The following INTS9 variants were observed in gnomAD, a reference collection of about 807,000 sequenced individuals.
INTS9 encodes the protein protein related to CPSF subunits of 74 kDa.
INTS9 carries 55 observed loss-of-function variants against 79.7 expected under a neutral mutation model. The ratio of observed to expected loss-of-function variants is 0.69; its 90% CI spans 0.56 to 0.86. The LOEUF is 0.86. Among genes scored for constraint, INTS9 ranks in the 40% least tolerant of loss-of-function variants. The pLI is 0.00. For synonymous variants in INTS9, 319 were observed against 325.2 expected, an observed-to-expected ratio of 0.98 and a Z score of 0.20; for missense variants, 721 against 831.5, an observed-to-expected ratio of 0.87 and a Z score of 1.64.
At chr8:28,847,334 G>C (rs1807577343) in intron 3 of INTS9, among the ~76,000 whole-genome samples, 1 of 152,094 alleles carries the variant, frequency 6.6e-6, no homozygotes. Flanking sequence ...CCTACCAAGG[G>C]TTGGGAGGAA....
chr8:28,859,377 TG>T, intron 2 of INTS9, 58 bp downstream of exon 2: 1 of 1,589,920 alleles, frequency 6.3e-7, no homozygotes, highest in Non-Finnish European at 8.6e-7. Context: ...TTCATACTAA[TG>T]GTACCATTTT....
chr8:28,798,779 G>A (rs866908017), intron 8 of INTS9: 4 of 152,150 alleles, frequency 2.6e-5, no homozygotes, highest in African/African-American at 4.8e-5. Context: ...GATTACAGTC[G>A]TGAGCCACCA....
chr8:28,792,362 G>T (rs1803962036), intron 10 of INTS9, among the ~76,000 whole-genome samples: 1 of 151,978 alleles, frequency 6.6e-6, no homozygotes, highest in Non-Finnish European at 1.5e-5. Context: ...CAATAAAACT[G>T]AAAGAAAGTA....
At chr8:28,768,465 TAGTGATAGTTTCTTATACTTGAAAAG>T in intron 16 of INTS9, 143 bp from the exon 17 acceptor site, 1 of 733,670 alleles carries the variant, frequency 1.4e-6, no homozygotes, top group Admixed American at 2.3e-5. Flanking sequence ...AGGCCTATGA[TAGTGATAGTTTCTTATACTTGAAAAG>T]AGACCCTAAA....
At chr8:28,874,166 TTC>T (rs1563313150) in intron 1 of INTS9, among the ~76,000 whole-genome samples, 1 of 152,246 alleles carries the variant, frequency 6.6e-6, no homozygotes, top group East Asian at 1.9e-4. Flanking sequence ...AAGTCATACT[TTC>T]TGATTTCACA....
chr8:28,771,235 C>T, intron 14 of INTS9, 155 bp from the exon 15 acceptor site: 1 of 684,840 alleles, frequency 1.5e-6, no homozygotes, highest in African/African-American at 1.8e-5. Flanking sequence ...GCTCTGTCGC[C>T]CAGGTGACAC....
intron 1 of INTS9, among the ~76,000 whole-genome samples, chr8:28,867,620 C>A (rs1310156132): frequency 1.3e-5 from 2 of 150,206 alleles, no homozygotes; most frequent in Non-Finnish European, 3.0e-5. Context: ...GTATGAAATA[C>A]TGTGAACTTC....
intron 1 of INTS9, among the ~76,000 whole-genome samples, chr8:28,873,843 T>C (rs1809219939): frequency 6.6e-6 from 1 of 152,214 alleles, no homozygotes. Context: ...CCCTTCCCAC[T>C]ATCTCTTCCT....
intron 1 of INTS9, among the ~76,000 whole-genome samples, chr8:28,881,300 T>TG (rs1397188461): frequency 2.9e-5 from 3 of 105,188 alleles, no homozygotes; most frequent in Admixed American, 1.0e-4. Flanking sequence ...GGGAGGGAGG[T>TG]GGGGGGATCA....
intron 2 of INTS9, among the ~76,000 whole-genome samples, chr8:28,856,968 G>A (rs1008461570): frequency 2.0e-5 from 3 of 152,100 alleles, no homozygotes; most frequent in East Asian, 1.9e-4. Context: ...GAGAACATGC[G>A]GTATTTGGTT....
chr8:28,769,091 C>T (rs1011624621), intron 16 of INTS9, among the ~76,000 whole-genome samples: 4 of 152,334 alleles, frequency 2.6e-5, no homozygotes, highest in Admixed American at 2.6e-4. Flanking sequence ...GAGCCGCAAC[C>T]ACCCAGCCAG....
In INTS9 at chr8:28,769,875, C is replaced by G. The variant is rs776253607; in HGVS notation, c.1800+14G>C. The G allele has an allele frequency of 3.7e-6, 6 of 1,612,896 alleles. No individual in the cohort carries two copies. In the African/African-American group the frequency reaches 6.7e-5, roughly 18 times the overall value. ...ACGTGTGGAGTTTTCACGGCACCAG[C>G]GAAACCAGCTCACCTTCTCCAGGGT... is the stretch of plus-strand genomic sequence containing the variant. On this transcript the variant is annotated intron_variant, in intron 16 of 16. Transcript: ENST00000521022.
chr8:28,771,304 T>G (rs1802525206), intron 14 of INTS9: 1 of 554,130 alleles, frequency 1.8e-6, no homozygotes, highest in East Asian at 3.4e-5. Flanking sequence ...CCTCTCCAGG[T>G]GACCAGTGGC....
At chr8:28,875,651 C>T (rs531470115) in intron 1 of INTS9, among the ~76,000 whole-genome samples, 1 of 152,154 alleles carries the variant, frequency 6.6e-6, no homozygotes, top group South Asian at 2.1e-4. Flanking sequence ...TCTCCCTCCC[C>T]CTACCCACCC....
At position 28,775,680 on chromosome 8, in the gene INTS9, A is replaced by G. The variant is rs1002405787; in HGVS notation, c.1563+79T>C. 8.9e-6 allele frequency: 13 copies of G among 1,458,562 alleles called. No individual in the cohort carries two copies. In the African/African-American group the frequency reaches 1.1e-4, roughly 13 times the overall value. 90.4% of individuals were successfully genotyped at this position (1,458,562 alleles called of 1,614,324 possible). A position where few individuals can be genotyped will look rare whatever the true frequency, so the allele number is the denominator to read the frequency against. On this transcript the variant is annotated intron_variant, in intron 14 of 16. Coordinates refer to ENST00000521022, the MANE Select transcript of INTS9 (RefSeq NM_018250.4). Reference sequence around the variant, plus strand: ...TTCATTTATACTTGACATAAATCCAAAAGAAGGCCACCCCTGCACGATCTC... The same window carrying G: ...TTCATTTATACTTGACATAAATCCAGAAGAAGGCCACCCCTGCACGATCTC...
chr8:28,859,717 G>GAAAGTAGTCCCCAAGCA, intron 1 of INTS9, 154 bp from the exon 2 acceptor site: 1 of 803,694 alleles, frequency 1.2e-6, no homozygotes, highest in Non-Finnish European at 2.1e-6. Context: ...TACTGCTTGG[G>GAAAGTAGTCCCCAAGCA]GACTACTTTC....
At chr8:28,867,746 T>C (rs532406112) in intron 1 of INTS9, among the ~76,000 whole-genome samples, 7 of 151,432 alleles carry the variant, frequency 4.6e-5, no homozygotes, top group African/African-American at 9.7e-5. Flanking sequence ...AAAAGAACCA[T>C]AGACTAAAAC....
At chr8:28,770,639 T>G (rs1211138126) in intron 15 of INTS9, among the ~76,000 whole-genome samples, 1 of 152,220 alleles carries the variant, frequency 6.6e-6, no homozygotes, top group East Asian at 1.9e-4. Flanking sequence ...GCCACCCACC[T>G]GTGTGTGGGT....
intron 16 of INTS9, among the ~76,000 whole-genome samples, chr8:28,768,804 C>T (rs1585314224): frequency 6.6e-6 from 1 of 152,228 alleles, no homozygotes; most frequent in African/African-American, 2.4e-5. Flanking sequence ...CCTTACAAAT[C>T]AGACGTGACA....
Sources: allele counts gnomAD v4.1 joint callset (sites outside exome capture counted in the v4.1 genomes callset), GRCh38; gene constraint gnomAD v4.1.1; transcripts MANE v1.5; gene names NCBI Gene and HGNC (gene_info 2026-07-23, HGNC 2026-07-21).